CADPS: variants seen among roughly 807,000 people sequenced by gnomAD.
CADPS encodes the protein calcium-dependent secretion activator 1.
Under a neutral mutation model 167.3 loss-of-function variants are expected in CADPS, and 57 were observed. That is an observed-to-expected ratio of 0.34 (90% CI 0.28 to 0.42). The LOEUF (loss-of-function observed/expected upper bound fraction) is 0.42, where lower values mean the gene tolerates loss of function less well. Ranked by LOEUF, CADPS falls within the 20% of genes least tolerant of loss-of-function variation. CADPS has a pLI of 1.00. For synonymous variants in CADPS, 676 were observed against 635.3 expected, an observed-to-expected ratio of 1.06 and a Z score of -0.96; for missense variants, 1,414 against 1,738.1, an observed-to-expected ratio of 0.81 and a Z score of 3.32.
intron 6 of CADPS, among the ~76,000 whole-genome samples, chr3:62,600,709 C>T (rs969294633): frequency 1.3e-5 from 2 of 152,202 alleles, no homozygotes; most frequent in Non-Finnish European, 1.5e-5. Flanking sequence ...GTTTTGCCCC[C>T]ATGGATATTA....
chr3:62,853,126 A>C (rs2078959804), intron 1 of CADPS, among the ~76,000 whole-genome samples: 1 of 152,198 alleles, frequency 6.6e-6, no homozygotes, highest in South Asian at 2.1e-4. Flanking sequence ...TTCCTAAGTG[A>C]ACAGTAGGAC....
chr3:62,521,884 C>A (rs1450541143), intron 13 of CADPS, among the ~76,000 whole-genome samples: 1 of 152,180 alleles, frequency 6.6e-6, no homozygotes, highest in Admixed American at 6.6e-5. Flanking sequence ...CCTTTCACAG[C>A]CACTCCATAT....
At chr3:62,722,371 A>G (rs2075989659) in intron 3 of CADPS, among the ~76,000 whole-genome samples, 1 of 152,226 alleles carries the variant, frequency 6.6e-6, no homozygotes, top group African/African-American at 2.4e-5. Context: ...TTTATGGAGG[A>G]CAGTGGCCAC....
Position 62,688,503 on chromosome 3 carries a change from T to A in CADPS, c.889-26109A>T, listed in dbSNP as rs552347940. ...TTTTAAGGTGCCTACTATGTGCCAC[T>A]GCAAACAGGAAGGTGGAGGAAGACT... is the stretch of plus-strand genomic sequence containing the variant. On this transcript the variant is annotated intron_variant, in intron 3 of 29. Transcript: ENST00000383710. Among the ~76,000 whole-genome samples, 7 of 152,168 alleles carry A rather than the reference T, an allele frequency of 4.6e-5. No homozygotes were observed. In the South Asian group the frequency reaches 1.5e-3, roughly 32 times the overall value.
chr3:62,754,531 T>C (rs2083427756), intron 2 of CADPS, among the ~76,000 whole-genome samples: 2 of 152,158 alleles, frequency 1.3e-5, no homozygotes, highest in African/African-American at 4.8e-5. Flanking sequence ...TGCTCTGTTA[T>C]GTAAGCCAGA....
Position 62,874,534 on chromosome 3 carries a change from C to CCGCCCGCCTGGCGA in CADPS, c.441+41_441+54dup. 7.1e-7 allele frequency: 1 copy of CCGCCCGCCTGGCGA among 1,402,494 alleles called. No individual in the cohort carries two copies. Among genetic ancestry groups the CCGCCCGCCTGGCGA allele is most frequent in the Non-Finnish European group, 9.8e-7 (1 of 1,021,540 alleles). The allele number at this position is 1,402,494 out of a possible 1,614,324, so 86.9% of individuals were successfully genotyped here. ...GCGCCGCCAGCTCCCATTGTTCACC[C>CCGCCCGCCTGGCGA]CGCCCGCCTGGCGACGTCCGGGTGC... On this transcript the variant is annotated intron_variant, in intron 1 of 29. Transcript: ENST00000383710. This position sits in a 1 kb window ranked among gnomAD's most constrained non-coding sequence, Gnocchi z 7.1.
At chr3:62,811,455 A>G (rs2094392026) in intron 1 of CADPS, among the ~76,000 whole-genome samples, 1 of 152,178 alleles carries the variant, frequency 6.6e-6, no homozygotes, top group African/African-American at 2.4e-5. Context: ...CTATGGATTT[A>G]TATTTGTTGT....
chr3:62,701,298 T>C (rs762953969), intron 3 of CADPS, among the ~76,000 whole-genome samples: 5 of 152,104 alleles, frequency 3.3e-5, no homozygotes, highest in Admixed American at 6.6e-5. Context: ...ATGTCAGTGG[T>C]TGTGGGGATT....
intron 7 of CADPS, among the ~76,000 whole-genome samples, chr3:62,588,297 CTTTTT>C (rs34533495): frequency 4.3e-5 from 6 of 139,844 alleles, no homozygotes; most frequent in Admixed American, 2.9e-4. Context: ...CCAGGTCTTT[CTTTTT>C]TTTTTTTTTT....
intron 1 of CADPS, among the ~76,000 whole-genome samples, chr3:62,810,505 A>G (rs304224): frequency 0.23 from 35,019 of 152,096 alleles, 4,177 homozygotes; most frequent in Middle Eastern, 0.32. Flanking sequence ...TTCTCATGAA[A>G]GTATCTGATT....
chr3:62,712,090 A>G (rs2083505346), intron 3 of CADPS, among the ~76,000 whole-genome samples: 1 of 152,208 alleles, frequency 6.6e-6, no homozygotes, highest in Admixed American at 6.5e-5. Context: ...GTATTGTATG[A>G]AAATTTTAAA....
intron 21 of CADPS, among the ~76,000 whole-genome samples, chr3:62,488,832 A>T (rs1373005245): frequency 1.3e-5 from 2 of 152,210 alleles, no homozygotes; most frequent in Non-Finnish European, 2.9e-5. Context: ...TCTGAAAGGC[A>T]TATACTATTT....
At chr3:62,777,916 G>A (rs564802911) in intron 1 of CADPS, among the ~76,000 whole-genome samples, 2 of 152,312 alleles carry the variant, frequency 1.3e-5, no homozygotes, top group African/African-American at 4.8e-5. Flanking sequence ...ATCATCTCAT[G>A]TCTTACGGCA....
intron 6 of CADPS, among the ~76,000 whole-genome samples, chr3:62,637,992 G>T (rs1436981536): frequency 6.6e-6 from 1 of 151,490 alleles, no homozygotes; most frequent in East Asian, 1.9e-4. Flanking sequence ...TTTCCCCCAT[G>T]TCCCCTTCGT....
chr3:62,400,662 C>T (rs919666155), intron 29 of CADPS, among the ~76,000 whole-genome samples: 3 of 143,486 alleles, frequency 2.1e-5, no homozygotes, highest in Admixed American at 7.3e-5. Context: ...TGCAGCAGAT[C>T]GATCTCGGCT....
chr3:62,862,776 A>C (rs553618704), intron 1 of CADPS, among the ~76,000 whole-genome samples: 4 of 152,232 alleles, frequency 2.6e-5, no homozygotes, highest in African/African-American at 9.6e-5. Context: ...TAAAAAGTCT[A>C]AAATGGCCCA....
At position 62,417,073 on chromosome 3, in the gene CADPS, G is replaced by C. The variant is rs140168111; in HGVS notation, c.3778-13888C>G. ...GCTAAGCATACATTTTTCTAGCTTCGCATTTTTCACTGGCCTGTGAATGTA... is the reference window on the plus strand; with the variant it reads ...GCTAAGCATACATTTTTCTAGCTTCCCATTTTTCACTGGCCTGTGAATGTA... On this transcript the variant is annotated intron_variant, in intron 28 of 29. Transcript: ENST00000383710. Among the ~76,000 whole-genome samples the C allele has an allele frequency of 8.0e-4, 122 of 151,834 alleles. 1 individual carries two copies. The East Asian group carries it at 0.015, about 19-fold the overall frequency.
chr3:62,761,313 G>A (rs115595197), intron 2 of CADPS, among the ~76,000 whole-genome samples: 34 of 151,942 alleles, frequency 2.2e-4, no homozygotes, highest in African/African-American at 8.2e-4. Flanking sequence ...TCTGTCTGTT[G>A]CAACATTCAA....
intron 1 of CADPS, among the ~76,000 whole-genome samples, chr3:62,838,774 A>G (rs991926286): frequency 7.9e-5 from 12 of 152,222 alleles, no homozygotes; most frequent in Non-Finnish European, 1.5e-4. Flanking sequence ...TCTTGAATAT[A>G]GAAGGAATTG....
Sources: gnomAD v4.1 joint callset for allele counts (sites outside exome capture counted in the v4.1 genomes callset) on GRCh38, gnomAD v4.1.1 for gene constraint, Gnocchi (gnomAD v3.1) non-coding constraint, MANE v1.5 for transcripts, NCBI Gene and HGNC (gene_info 2026-07-23, HGNC 2026-07-21) for gene names.